Variants in IL1RAPL2 observed in about 807,000 individuals in gnomAD.
IL1RAPL2 encodes X-linked interleukin-1 receptor accessory protein-like 2.
Under a neutral mutation model 44.1 loss-of-function variants are expected in IL1RAPL2, and 3 were observed. That is an observed-to-expected ratio of 0.07 (90% CI 0.03 to 0.18). The LOEUF (loss-of-function observed/expected upper bound fraction) is 0.18, where lower values mean the gene tolerates loss of function less well. Among genes scored for constraint, IL1RAPL2 ranks in the 10% least tolerant of loss-of-function variants. IL1RAPL2 has a pLI of 1.00. For missense variants in IL1RAPL2, 391 were observed against 496.4 expected (o/e 0.79, Z 2.02); for synonymous variants, 181 against 178.8 (o/e 1.01, Z -0.10).
At chrX:105,569,387 C>T (rs2036998197) in intron 6 of IL1RAPL2, among the ~76,000 whole-genome samples, 1 of 111,705 alleles carries the variant, frequency 9.0e-6, no homozygotes, top group Admixed American at 9.5e-5. Context: ...GTATTCACAA[C>T]TATTTCAGTT....
At chrX:105,349,806 A>T (rs2035138605) in intron 5 of IL1RAPL2, among the ~76,000 whole-genome samples, 1 of 112,033 alleles carries the variant, frequency 8.9e-6, no homozygotes, top group African/African-American at 3.2e-5. Context: ...AATATGAATA[A>T]TAAACTATCT....
chrX:104,981,825 T>C lies in IL1RAPL2; in HGVS notation c.83-213650T>C, dbSNP rs772775583. Among the ~76,000 whole-genome samples the C allele has an allele frequency of 3.6e-5, 4 of 111,674 alleles. No homozygotes were observed. In the East Asian group the frequency reaches 8.5e-4, roughly 24 times the overall value. ...TTATTGAAAGCCTTTTCTGCATCTA[T>C]TGAAATAATCATGTAGTTTATGTGA... is the stretch of plus-strand genomic sequence containing the variant. On this transcript the variant is annotated intron_variant, in intron 2 of 10. Coordinates refer to ENST00000372582, the MANE Select transcript of IL1RAPL2 (RefSeq NM_017416.2).
intron 3 of IL1RAPL2, among the ~76,000 whole-genome samples, chrX:105,206,432 C>T (rs1176993314): frequency 8.9e-6 from 1 of 111,735 alleles, no homozygotes; most frequent in Non-Finnish European, 1.9e-5. Context: ...AAAGGTTTGA[C>T]TCCAGAGCTC....
intron 2 of IL1RAPL2, among the ~76,000 whole-genome samples, chrX:104,755,507 C>T (rs1932327559): frequency 9.1e-6 from 1 of 110,195 alleles, no homozygotes. Flanking sequence ...TGCACATGTA[C>T]CCCTGAACCT....
intron 2 of IL1RAPL2, among the ~76,000 whole-genome samples, chrX:104,750,281 T>C (rs1932237424): frequency 9.0e-6 from 1 of 111,471 alleles, no homozygotes; most frequent in African/African-American, 3.3e-5. Context: ...TTCAGCCTTT[T>C]ATTTGCAATG....
At chrX:105,080,344 T>C (rs1362186471) in intron 2 of IL1RAPL2, among the ~76,000 whole-genome samples, 1 of 112,476 alleles carries the variant, frequency 8.9e-6, no homozygotes, top group South Asian at 3.7e-4. Context: ...AGGGTATTTA[T>C]GGTTTTAGGA....
At chrX:105,436,485 C>T (rs1024200076) in intron 5 of IL1RAPL2, among the ~76,000 whole-genome samples, 2 of 111,751 alleles carry the variant, frequency 1.8e-5, no homozygotes, top group African/African-American at 6.5e-5. Flanking sequence ...GCTTCCTTTA[C>T]TTTTTTGTTA....
intron 2 of IL1RAPL2, among the ~76,000 whole-genome samples, chrX:104,918,001 T>A (rs1446201908): frequency 1.8e-5 from 2 of 110,427 alleles, no homozygotes; most frequent in Non-Finnish European, 3.8e-5. Context: ...CCCTAGGTAA[T>A]AATACCAGAG....
intron 1 of IL1RAPL2, among the ~76,000 whole-genome samples, chrX:104,649,687 A>T (rs1372842698): frequency 2.7e-5 from 3 of 111,687 alleles, no homozygotes; most frequent in Non-Finnish European, 5.7e-5. Flanking sequence ...ATGTAACAAG[A>T]AATGATTATA....
At chrX:104,607,948 A>T (rs966897931) in intron 1 of IL1RAPL2, among the ~76,000 whole-genome samples, 6 of 112,068 alleles carry the variant, frequency 5.4e-5, no homozygotes, top group African/African-American at 1.6e-4. Flanking sequence ...ATTGTGGCAC[A>T]GTTCACAATA....
chrX:105,045,173 G>A (rs759161311), intron 2 of IL1RAPL2, among the ~76,000 whole-genome samples: 12 of 111,211 alleles, frequency 1.1e-4, no homozygotes, highest in African/African-American at 3.6e-4. Context: ...AAATTAAAAT[G>A]TCATACAAGC....
intron 2 of IL1RAPL2, among the ~76,000 whole-genome samples, chrX:105,089,434 C>T (rs2032515530): frequency 9.0e-6 from 1 of 111,080 alleles, no homozygotes; most frequent in African/African-American, 3.3e-5. Flanking sequence ...CTGTATGCTT[C>T]TTTGTCTCCA....
chrX:105,141,606 C>T (rs2033126308), intron 2 of IL1RAPL2, among the ~76,000 whole-genome samples: 1 of 111,869 alleles, frequency 8.9e-6, no homozygotes, highest in Admixed American at 9.5e-5. Flanking sequence ...GTCATAGAGA[C>T]TAAAAATTTA....
intron 2 of IL1RAPL2, among the ~76,000 whole-genome samples, chrX:104,848,885 A>G (rs1922140519): frequency 9.0e-6 from 1 of 111,205 alleles, no homozygotes; most frequent in Non-Finnish European, 1.9e-5. Flanking sequence ...ATGTTTTAGT[A>G]TTTTATCTTA....
chrX:104,884,086 C>T (rs1209693122), intron 2 of IL1RAPL2, among the ~76,000 whole-genome samples: 6 of 110,400 alleles, frequency 5.4e-5, no homozygotes, highest in East Asian at 2.8e-4. Context: ...TTTCTCAGTC[C>T]TCTTTGTGGT....
chrX:105,749,019 C>G lies in IL1RAPL2; in HGVS notation c.1108C>G (p.Leu370Val). 3.3e-6 allele frequency: 4 copies of G among 1,208,619 alleles called. No individual in the cohort carries two copies. The highest frequency in any genetic ancestry group is 4.5e-6 in the Non-Finnish European group (4 of 892,898). The change falls in exon 9 of 11, where the codon CTG becomes GTG. Residue 370 changes from leucine to valine, a missense_variant. Transcript: ENST00000372582. Reference sequence around the variant, plus strand: ...GGGAGCAATCTTCCTCCTCCTTGTACTGCTGGTGGTCATTTACAAATGCTA... The same window carrying G: ...GGGAGCAATCTTCCTCCTCCTTGTAGTGCTGGTGGTCATTTACAAATGCTA... Reference protein sequence around the residue: ...GLGAIFLLLVLLVVIYKCYNI... With the variant: ...GLGAIFLLLVVLVVIYKCYNI...
intron 3 of IL1RAPL2, among the ~76,000 whole-genome samples, chrX:105,199,558 A>G (rs1324328383): frequency 9.0e-6 from 1 of 111,373 alleles, no homozygotes; most frequent in Non-Finnish European, 1.9e-5. Flanking sequence ...ATTGTGAAGG[A>G]GTACTTTAGG....
In IL1RAPL2 at chrX:105,031,013, A is replaced by T. The variant is rs867706624; in HGVS notation, c.83-164462A>T. 1.1e-3 allele frequency among the ~76,000 whole-genome samples: 121 copies of T among 110,107 alleles called. 1 individual carries two copies. The highest frequency in any genetic ancestry group is 2.7e-3 in the Admixed American group (28 of 10,264). ...TTATTCTCTTTGAAGCAATTGTGAA[A>T]GGGAGTTCACTCATGATTTGGCTCT... On this transcript the variant is annotated intron_variant, in intron 2 of 10. Coordinates refer to ENST00000372582, the MANE Select transcript of IL1RAPL2 (RefSeq NM_017416.2).
chrX:105,230,974 T>C (rs1257803953), intron 3 of IL1RAPL2, among the ~76,000 whole-genome samples: 1 of 112,311 alleles, frequency 8.9e-6, no homozygotes, highest in African/African-American at 3.2e-5. Flanking sequence ...TTTCAGAGCA[T>C]TGAACATTTC....
Sources: allele counts gnomAD v4.1 joint callset (sites outside exome capture counted in the v4.1 genomes callset), GRCh38; gene constraint gnomAD v4.1.1; transcripts MANE v1.5; gene names NCBI Gene and HGNC (gene_info 2026-07-23, HGNC 2026-07-21).